The following TJP1 variants were observed in gnomAD, a reference collection of about 807,000 sequenced individuals.
TJP1 encodes the protein tight junction protein ZO-1.
Under a neutral mutation model 194.2 loss-of-function variants are expected in TJP1, and 43 were observed. The ratio of observed to expected loss-of-function variants is 0.22; its 90% confidence interval spans 0.17 to 0.29. TJP1 has a LOEUF of 0.29. Ranked by LOEUF, TJP1 falls within the 10% of genes least tolerant of loss-of-function variation. TJP1 has a pLI of 1.00. For synonymous variants in TJP1, 801 were observed against 779.0 expected (o/e 1.03, Z -0.47); for missense variants, 1,971 against 2,185.7 (o/e 0.90, Z 1.96).
At chr15:29,750,108 C>T (rs746470890) in intron 8 of TJP1, among the ~76,000 whole-genome samples, 5 of 151,858 alleles carry the variant, frequency 3.3e-5, no homozygotes, top group South Asian at 2.1e-4. Flanking sequence ...CCCGGGTTCA[C>T]GCCATTCTCC....
intron 22 of TJP1, 144 bp downstream of exon 22, chr15:29,717,877 A>C (rs2042664710): frequency 4.6e-6 from 3 of 655,252 alleles, no homozygotes; most frequent in Non-Finnish European, 7.7e-6. Flanking sequence ...ATCACTGTTT[A>C]GGAGAGCTGA....
intron 2 of TJP1, among the ~76,000 whole-genome samples, chr15:29,834,030 C>T (rs2337177): frequency 0.62 from 82,337 of 133,682 alleles, 26,740 homozygotes; most frequent in East Asian, 0.72. Context: ...TACAGGCGCC[C>T]GCCACCACGC....
chr15:29,930,029 G>T (rs550179728), intron 2 of TJP1, among the ~76,000 whole-genome samples: 25 of 152,178 alleles, frequency 1.6e-4, no homozygotes, highest in African/African-American at 5.5e-4. Flanking sequence ...ATTCAGTCAA[G>T]AAGAAATGTA....
chr15:29,886,006 T>C (rs1427376308), intron 2 of TJP1, among the ~76,000 whole-genome samples: 1 of 152,170 alleles, frequency 6.6e-6, no homozygotes, highest in Non-Finnish European at 1.5e-5. Flanking sequence ...TTTCAAGACG[T>C]ACCAACAAGC....
At chr15:29,864,278 G>A in intron 2 of TJP1, among the ~76,000 whole-genome samples, 1 of 144,652 alleles carries the variant, frequency 6.9e-6, no homozygotes, top group Non-Finnish European at 1.5e-5. Context: ...GGGTGTGGTG[G>A]TGTGTGCCTG....
rs2041461706 is a variant in TJP1 at position 29,700,301 on chromosome 15, T to C, written c.*1294A>G. 1 of 398,838 alleles carries C rather than the reference T, an allele frequency of 2.5e-6. No individual in the cohort carries two copies. Among genetic ancestry groups the C allele is most frequent in the Admixed American group, 4.4e-5 (1 of 22,718 alleles). 24.7% of individuals were successfully genotyped at this position (398,838 alleles called of 1,614,324 possible). ...CTGATGTGCCATAATAAATTGTCTA[T>C]TAGTAAAAAAATACACTTTAGGGCA... On this transcript the variant is annotated 3_prime_UTR_variant, in exon 28 of 28. Coordinates refer to ENST00000614355, the MANE Select transcript of TJP1 (RefSeq NM_001330239.4).
intron 1 of TJP1, among the ~76,000 whole-genome samples, chr15:29,821,252 A>G (rs1035368567): frequency 6.6e-6 from 1 of 152,200 alleles, no homozygotes; most frequent in Non-Finnish European, 1.5e-5. Flanking sequence ...AGCACATAGG[A>G]AAAGTAACAG....
intron 2 of TJP1, among the ~76,000 whole-genome samples, chr15:29,904,338 A>G (rs759335943): frequency 1.8e-4 from 28 of 152,136 alleles, no homozygotes; most frequent in Non-Finnish European, 3.8e-4. Context: ...GGTGGCTCGG[A>G]TCACCAAGCA....
At chr15:29,884,302 C>G (rs372741256) in intron 2 of TJP1, among the ~76,000 whole-genome samples, 50 of 152,310 alleles carry the variant, frequency 3.3e-4, no homozygotes, top group African/African-American at 1.0e-3. Flanking sequence ...CCATCTGTAT[C>G]AGGACCATCT....
At chr15:29,839,093 G>T (rs911744776) in intron 2 of TJP1, among the ~76,000 whole-genome samples, 2 of 145,688 alleles carry the variant, frequency 1.4e-5, no homozygotes, top group African/African-American at 5.0e-5. Flanking sequence ...CCGCCTCCCG[G>T]GTTCACGCCA....
Position 29,839,724 on chromosome 15 carries a change from T to C in TJP1, c.307-39022A>G, listed in dbSNP as rs183783935. Among the ~76,000 whole-genome samples, 101 of 152,308 alleles carry C rather than the reference T, an allele frequency of 6.6e-4. 1 individual carries two copies. Among genetic ancestry groups the C allele is most frequent in the Non-Finnish European group, 1.3e-3 (87 of 68,008 alleles). ...ATGAACATTCCTGTACAAATCCCCA[T>C]GTGAAAATAACTCTTCATTTCTCTG... is the stretch of plus-strand genomic sequence containing the variant. On this transcript the variant is annotated intron_variant, in intron 2 of 28. Coordinates refer to the TJP1 transcript ENST00000356107.
intron 6 of TJP1, 110 bp downstream of exon 6, chr15:29,762,225 A>AT (rs2046051920): frequency 1.2e-6 from 1 of 829,306 alleles, no homozygotes; most frequent in Non-Finnish European, 1.9e-6. Context: ...CCAAACACTG[A>AT]TTTTTAATTC....
intron 1 of TJP1, among the ~76,000 whole-genome samples, chr15:29,806,226 GA>G (rs1358209611): frequency 6.6e-6 from 1 of 152,070 alleles, no homozygotes; most frequent in Non-Finnish European, 1.5e-5. Context: ...AAGTCAAAAG[GA>G]AAAGATGTAA....
intron 2 of TJP1, among the ~76,000 whole-genome samples, chr15:29,775,683 A>G (rs2046972088): frequency 6.6e-6 from 1 of 152,180 alleles, no homozygotes; most frequent in Non-Finnish European, 1.5e-5. Context: ...TCAAATTAAA[A>G]GCAGGACTAA....
At chr15:29,859,217 A>T (rs535982184) in intron 2 of TJP1, among the ~76,000 whole-genome samples, 8 of 152,366 alleles carry the variant, frequency 5.3e-5, no homozygotes, top group Admixed American at 2.6e-4. Flanking sequence ...CTATATATAG[A>T]ACAAAAGGTC....
chr15:29,745,951 G>C (rs1205539871), intron 8 of TJP1, among the ~76,000 whole-genome samples: 1 of 152,116 alleles, frequency 6.6e-6, no homozygotes, highest in Admixed American at 6.6e-5. Context: ...AGAAGAGTGA[G>C]AACTGGGGGT....
intron 10 of TJP1, among the ~76,000 whole-genome samples, chr15:29,740,022 C>G (rs1007924138): frequency 2.0e-5 from 3 of 151,796 alleles, no homozygotes; most frequent in Non-Finnish European, 2.9e-5. Context: ...GAGTCTCGCT[C>G]TGTCACCCAG....
At chr15:29,922,867 TA>T (rs1440356407) in intron 2 of TJP1, among the ~76,000 whole-genome samples, 3 of 152,056 alleles carry the variant, frequency 2.0e-5, no homozygotes, top group Non-Finnish European at 4.4e-5. Context: ...TACTGAAAAA[TA>T]AAATACTTGG....
intron 2 of TJP1, among the ~76,000 whole-genome samples, chr15:29,890,771 AT>A (rs1485523848): frequency 6.6e-6 from 1 of 151,740 alleles, no homozygotes; most frequent in Non-Finnish European, 1.5e-5. Flanking sequence ...GGGAAAGGTA[AT>A]CTTATTTCAC....
Sources: gnomAD v4.1 joint callset for allele counts (sites outside exome capture counted in the v4.1 genomes callset) on GRCh38, gnomAD v4.1.1 for gene constraint, MANE v1.5 for transcripts, NCBI Gene and HGNC (gene_info 2026-07-23, HGNC 2026-07-21) for gene names.